Variants in RNF125 observed in about 807,000 individuals in gnomAD.
RNF125 encodes the protein E3 ubiquitin-protein ligase RNF125.
In RNF125, 21 loss-of-function variants were observed where a neutral mutation model predicts 26.0. The observed-to-expected ratio is 0.81, with a 90% confidence interval of 0.57 to 1.16. The LOEUF (loss-of-function observed/expected upper bound fraction) is 1.16. Ranked by LOEUF, RNF125 falls within the 50% of genes most tolerant of loss-of-function variation. The pLI is 0.00. For synonymous variants in RNF125, 95 were observed against 109.2 expected (o/e 0.87, Z 0.81); for missense variants, 270 against 299.4 (o/e 0.90, Z 0.72).
At chr18:32,046,792 C>T (rs1369006213) in intron 4 of RNF125, among the ~76,000 whole-genome samples, 1 of 151,952 alleles carries the variant, frequency 6.6e-6, no homozygotes, top group Non-Finnish European at 1.5e-5. Flanking sequence ...TCAGCCTTGG[C>T]GTTTTAGTTC....
the RNF125 span, among the ~76,000 whole-genome samples, chr18:32,078,294 T>A: frequency 6.6e-6 from 1 of 152,232 alleles, no homozygotes; most frequent in Admixed American, 6.5e-5. Flanking sequence ...TAATCCAAAA[T>A]GGAATCTATA....
rs550438981 is a variant in RNF125, at chr18:32,037,411, A to G, written c.318+142A>G. ...TTTTGAGACAGGTTCTCGCTCTTTC[A>G]CCCAGGTTGGAGTGCAGTGGTGCGA... is the stretch of plus-strand genomic sequence containing the variant. On this transcript the variant is annotated intron_variant, in intron 2 of 5. Coordinates refer to ENST00000217740, the MANE Select transcript of RNF125 (RefSeq NM_017831.4). The G allele has an allele frequency of 4.2e-3, 1,985 of 476,900 alleles. 12 individuals carry two copies. The highest frequency in any genetic ancestry group is 5.6e-3 in the Non-Finnish European group (1,702 of 305,980). The allele number at this position is 476,900 out of a possible 1,614,324, so 29.5% of individuals were successfully genotyped here. A position where few individuals can be genotyped will look rare whatever the true frequency, so the allele number is the denominator to read the frequency against.
chr18:32,055,136 C>A (rs2039367705), intron 4 of RNF125, among the ~76,000 whole-genome samples: 2 of 151,334 alleles, frequency 1.3e-5, no homozygotes, highest in African/African-American at 4.9e-5. Flanking sequence ...GTCTCTACAA[C>A]AACAACAACA....
chr18:32,068,963 A>C lies in RNF125; in HGVS notation c.*579A>C, dbSNP rs1383629828. ...GTAATCCCAGCACTTTGGGAGGCTGAAGCAGGCGGATCACAAGGTCAGGAG... is the reference window on the plus strand; with the variant it reads ...GTAATCCCAGCACTTTGGGAGGCTGCAGCAGGCGGATCACAAGGTCAGGAG... On this transcript the variant is annotated 3_prime_UTR_variant, in exon 6 of 6. Coordinates refer to ENST00000217740, the MANE Select transcript of RNF125 (RefSeq NM_017831.4). 6.6e-6 allele frequency: 1 copy of C among 152,326 alleles called. No homozygotes were observed. Among genetic ancestry groups the C allele is most frequent in the African/African-American group, 2.4e-5 (1 of 41,454 alleles). The allele number at this position is 152,326 out of a possible 1,614,324, so 9.4% of individuals were successfully genotyped here. A position where few individuals can be genotyped will look rare whatever the true frequency, so the allele number is the denominator to read the frequency against.
intron 4 of RNF125, among the ~76,000 whole-genome samples, chr18:32,051,328 A>C (rs1167750781): frequency 6.6e-6 from 1 of 152,030 alleles, no homozygotes; most frequent in Non-Finnish European, 1.5e-5. Flanking sequence ...GATAGTAAAG[A>C]AAGACAGGCT....
At chr18:32,046,568 G>A (rs1164438136) in intron 4 of RNF125, among the ~76,000 whole-genome samples, 1 of 137,164 alleles carries the variant, frequency 7.3e-6, no homozygotes, top group East Asian at 2.1e-4. Context: ...CTGCACTCCA[G>A]CCTGAGCGAC....
intron 1 of RNF125, among the ~76,000 whole-genome samples, chr18:32,029,225 G>A (rs899811473): frequency 6.6e-6 from 1 of 152,036 alleles, no homozygotes; most frequent in African/African-American, 2.4e-5. Context: ...TGTATCAGTT[G>A]TAAAAAATAG....
Position 32,019,771 on chromosome 18 carries a change from G to A in RNF125, c.164+744G>A, listed in dbSNP as rs370365784. ...AAAACCCAGCCACAACGTAACAGGA[G>A]GTGGCAGGCTACCTGCTTTACGCAC... On this transcript the variant is annotated intron_variant, in intron 1 of 5. Coordinates refer to ENST00000217740, the MANE Select transcript of RNF125 (RefSeq NM_017831.4). 1.8e-3 allele frequency among the ~76,000 whole-genome samples: 276 copies of A among 152,292 alleles called. 1 individual carries two copies. The highest frequency in any genetic ancestry group is 0.01 in the Middle Eastern group (3 of 294).
the RNF125 span, among the ~76,000 whole-genome samples, chr18:32,089,655 G>T: frequency 2.0e-5 from 3 of 152,098 alleles, no homozygotes; most frequent in South Asian, 2.1e-4. Flanking sequence ...CTTTCCAAGG[G>T]TATCTATATT....
chr18:32,085,700 C>CAA, the RNF125 span, among the ~76,000 whole-genome samples: 21,240 of 62,626 alleles, frequency 0.34, 4,230 homozygotes, highest in Admixed American at 0.45. Context: ...AACGACTTAT[C>CAA]AAAAAAAAAA....
intron 2 of RNF125, among the ~76,000 whole-genome samples, chr18:32,039,491 CTGA>C (rs751683465): frequency 3.3e-5 from 5 of 152,084 alleles, no homozygotes; most frequent in Non-Finnish European, 7.4e-5. Context: ...ATATATATAA[CTGA>C]TGATTGTCTT....
At chr18:32,080,748 G>C in the RNF125 span, among the ~76,000 whole-genome samples, 1 of 152,202 alleles carries the variant, frequency 6.6e-6, no homozygotes, top group Non-Finnish European at 1.5e-5. Flanking sequence ...AATTAGCTGG[G>C]CGTGATGGCG....
At chr18:32,055,928 G>T (rs1463854838) in intron 4 of RNF125, among the ~76,000 whole-genome samples, 1 of 124,814 alleles carries the variant, frequency 8.0e-6, no homozygotes. Context: ...GCAGTGAGCC[G>T]AGATCATGCC....
At position 32,070,364 on chromosome 18, in the gene RNF125, G is replaced by A. The variant is rs2039523047; in HGVS notation, c.*1980G>A. 1 of 152,144 alleles carries A rather than the reference G, an allele frequency of 6.6e-6. No individual in the cohort carries two copies. The highest frequency in any genetic ancestry group is 1.5e-5 in the Non-Finnish European group (1 of 68,084). The allele number at this position is 152,144 out of a possible 1,614,324, so 9.4% of individuals were successfully genotyped here. A position where few individuals can be genotyped will look rare whatever the true frequency, so the allele number is the denominator to read the frequency against. ...ATTTTTGTATTTTTAGTAGAGACAG[G>A]GTTTCACCATAATAGCCAGGCTGGT... On this transcript the variant is annotated 3_prime_UTR_variant, in exon 6 of 6. Transcript: ENST00000217740.
chr18:32,030,090 G>A (rs531545600), intron 1 of RNF125, among the ~76,000 whole-genome samples: 1 of 152,114 alleles, frequency 6.6e-6, no homozygotes, highest in South Asian at 2.1e-4. Context: ...TGTCACCCAG[G>A]CTGGAGTGCA....
At chr18:32,054,086 CTTT>C (rs35616121) in intron 4 of RNF125, among the ~76,000 whole-genome samples, 1 of 88,360 alleles carries the variant, frequency 1.1e-5, no homozygotes, top group African/African-American at 4.7e-5. Flanking sequence ...GACATTTGTA[CTTT>C]TTTTTTTTTT....
chr18:32,062,530 T>C (rs911867661), intron 4 of RNF125, among the ~76,000 whole-genome samples: 1 of 152,154 alleles, frequency 6.6e-6, no homozygotes, highest in Non-Finnish European at 1.5e-5. Flanking sequence ...GATGTAAAAA[T>C]TAGCGAAGTT....
At chr18:32,087,887 A>T in the RNF125 span, among the ~76,000 whole-genome samples, 1 of 152,000 alleles carries the variant, frequency 6.6e-6, no homozygotes, top group Non-Finnish European at 1.5e-5. Flanking sequence ...CCCTTTCCTT[A>T]TGGTCTGCAG....
At chr18:32,050,906 A>G (rs1214753909) in intron 4 of RNF125, among the ~76,000 whole-genome samples, 3 of 75,782 alleles carry the variant, frequency 4.0e-5, no homozygotes, top group Admixed American at 2.2e-4. Context: ...TTTTGAAGAG[A>G]CGGTGTTTCA....
Sources: allele counts gnomAD v4.1 joint callset (sites outside exome capture counted in the v4.1 genomes callset), GRCh38; gene constraint gnomAD v4.1.1; transcripts MANE v1.5; gene names NCBI Gene and HGNC (gene_info 2026-07-23, HGNC 2026-07-21).